KATNBL1: variants seen among roughly 807,000 people sequenced by gnomAD.
KATNBL1 encodes the protein KATNB1-like protein 1.
Under a neutral mutation model 44.7 loss-of-function variants are expected in KATNBL1, and 28 were observed. The observed-to-expected ratio is 0.63, with a 90% CI of 0.46 to 0.86. The LOEUF (loss-of-function observed/expected upper bound fraction) is 0.86. Among genes scored for constraint, KATNBL1 ranks in the 40% least tolerant of loss-of-function variants. The pLI is 0.00. For synonymous variants in KATNBL1, 78 were observed against 114.9 expected, an observed-to-expected ratio of 0.68 and a Z score of 2.06; for missense variants, 272 against 350.7, an observed-to-expected ratio of 0.78 and a Z score of 1.79.
At chr15:34,147,581 A>T (rs1046020688) in intron 5 of KATNBL1, 151 bp from the exon 6 acceptor site, 2 of 648,624 alleles carry the variant, frequency 3.1e-6, no homozygotes, top group Non-Finnish European at 5.3e-6. Context: ...AGCAATGAAC[A>T]AAGACACAGG....
chr15:34,188,670 T>C (rs377604482), intron 1 of KATNBL1, among the ~76,000 whole-genome samples: 1 of 152,258 alleles, frequency 6.6e-6, no homozygotes, highest in African/African-American at 2.4e-5. Context: ...GTTCTGTCCA[T>C]GCAATCAGCT....
intron 1 of KATNBL1, among the ~76,000 whole-genome samples, chr15:34,206,901 C>T (rs974107104): frequency 6.6e-6 from 1 of 152,020 alleles, no homozygotes; most frequent in Non-Finnish European, 1.5e-5. Flanking sequence ...AATTAAAAAA[C>T]ATTATATTCC....
At chr15:34,204,274 G>A (rs564242608) in intron 1 of KATNBL1, among the ~76,000 whole-genome samples, 6 of 152,302 alleles carry the variant, frequency 3.9e-5, no homozygotes, top group Admixed American at 1.3e-4. Flanking sequence ...CATCCAGACT[G>A]ATGAACTGTT....
intron 1 of KATNBL1, among the ~76,000 whole-genome samples, chr15:34,207,727 A>C (rs1861182482): frequency 6.6e-6 from 1 of 152,192 alleles, no homozygotes; most frequent in Non-Finnish European, 1.5e-5. Flanking sequence ...CAGCCTCCCA[A>C]GTAGCTGGGA....
chr15:34,177,801 A>G (rs1889381820), intron 1 of KATNBL1: 1 of 152,134 alleles, frequency 6.6e-6, no homozygotes, highest in African/African-American at 2.4e-5. Context: ...TTAATATACT[A>G]CAATATATTT....
chr15:34,171,324 CAT>C (rs1276802013), intron 1 of KATNBL1, among the ~76,000 whole-genome samples: 2 of 152,110 alleles, frequency 1.3e-5, no homozygotes, highest in African/African-American at 2.4e-5. Flanking sequence ...AGCCAACAGA[CAT>C]ATGAAAAAAT....
rs181362312 is a variant in KATNBL1, at chr15:34,166,361, C to T, written c.-14-2671G>A. Among the ~76,000 whole-genome samples, 105 of 152,342 alleles carry T rather than the reference C, an allele frequency of 6.9e-4. 1 individual carries two copies. In the South Asian group the frequency reaches 7.0e-3, roughly 10 times the overall value. On this transcript the variant is annotated intron_variant, in intron 1 of 9. Coordinates refer to ENST00000256544, the MANE Select transcript of KATNBL1 (RefSeq NM_024713.3). ...AGCGCAGCAGTCTGAGATAGACCTG[C>T]GAAGCAGCAGCCTGGCAGGGGGAGG...
chr15:34,145,224 T>C, intron 9 of KATNBL1, 174 bp downstream of exon 9: 2 of 1,392,822 alleles, frequency 1.4e-6, no homozygotes, highest in Non-Finnish European at 1.9e-6. Context: ...CTGTGCTTGC[T>C]GCCAAGGTCA....
intron 7 of KATNBL1, 36 bp from the exon 8 acceptor site, chr15:34,146,886 T>G: frequency 7.8e-7 from 1 of 1,283,386 alleles, no homozygotes. Context: ...TCAAGTGTTT[T>G]CATCTAAGAA....
chr15:34,163,344 C>G (rs116042893), intron 2 of KATNBL1, among the ~76,000 whole-genome samples: 2,057 of 151,812 alleles, frequency 0.014, 50 homozygotes, highest in African/African-American at 0.048. Flanking sequence ...ATGCCCAGCC[C>G]GATTAAAAAC....
At position 34,208,665 on chromosome 15, in the gene KATNBL1, T is replaced by C. The variant is rs146924513; in HGVS notation, c.-15+1286A>G. On this transcript the variant is annotated intron_variant, in intron 1 of 9. Coordinates refer to ENST00000256544, the MANE Select transcript of KATNBL1 (RefSeq NM_024713.3). ...ACACATAAAGCTTATGAACTCCATT[T>C]ATCTTAAAATAGTCAATGGATTTTT... The C allele has an allele frequency of 9.8e-5, 15 of 152,370 alleles. No individual in the cohort carries two copies. In the East Asian group the frequency reaches 2.9e-3, roughly 29 times the overall value. The allele number at this position is 152,370 out of a possible 1,614,324, so 9.4% of individuals were successfully genotyped here. A position where few individuals can be genotyped will look rare whatever the true frequency, so the allele number is the denominator to read the frequency against.
At chr15:34,143,091 T>G in intron 9 of KATNBL1, 1 of 1,108,346 alleles carries the variant, frequency 9.0e-7, no homozygotes, top group Non-Finnish European at 1.2e-6. Flanking sequence ...CATAAGGAAC[T>G]TCGCATTGAA....
In KATNBL1 at chr15:34,209,944, CACTT is replaced by C. The variant is rs1406226147; in HGVS notation, c.-15+3_-15+6del. On this transcript the variant is annotated splice_donor_5th_base_variant and intron_variant, in intron 1 of 9. Transcript: ENST00000256544. The stretch of plus-strand genomic sequence containing the variant: ...GCGGGGCTCGCACCGGCTCGGCAGT[CACTT>C]ACCGGCGCCTCATGGTACCGCGGCG... 1 of 151,772 alleles carries C rather than the reference CACTT, an allele frequency of 6.6e-6. No individual in the cohort carries two copies. Among genetic ancestry groups the C allele is most frequent in the Non-Finnish European group, 1.5e-5 (1 of 67,852 alleles). The allele number at this position is 151,772 out of a possible 1,614,324, so 9.4% of individuals were successfully genotyped here.
rs528817939 is a variant in KATNBL1 at position 34,154,067 on chromosome 15, T to C, written c.158+577A>G. 2.3e-3 allele frequency among the ~76,000 whole-genome samples: 349 copies of C among 152,322 alleles called. 2 individuals carry two copies. Among genetic ancestry groups the C allele is most frequent in the South Asian group, 3.7e-3 (18 of 4,826 alleles). On this transcript the variant is annotated intron_variant, in intron 3 of 9. Coordinates refer to ENST00000256544, the MANE Select transcript of KATNBL1 (RefSeq NM_024713.3). ...TACATTTTTATATATCTCTAATATC[T>C]GGTTTAACAAAAGACAGCTGGGTTC...
chr15:34,143,690 C>T (rs775226190), intron 9 of KATNBL1, among the ~76,000 whole-genome samples: 9 of 150,952 alleles, frequency 6.0e-5, no homozygotes, highest in Non-Finnish European at 1.0e-4. Context: ...TGGCTCACGC[C>T]TGTAATCCCA....
At chr15:34,146,912 A>G in intron 7 of KATNBL1, 62 bp from the exon 8 acceptor site, 3 of 1,059,358 alleles carry the variant, frequency 2.8e-6, no homozygotes, top group Non-Finnish European at 4.4e-6. Context: ...CTTATAAAAG[A>G]TGATACTTTC....
chr15:34,208,225 T>TA (rs1890344093), intron 1 of KATNBL1, among the ~76,000 whole-genome samples: 1 of 152,224 alleles, frequency 6.6e-6, no homozygotes, highest in Admixed American at 6.5e-5. Context: ...ATCCAATGTG[T>TA]AGTCTTCTAT....
rs1469985059 is a variant in KATNBL1 at position 34,141,046 on chromosome 15, A to G, written c.*1293T>C. 1 of 152,130 alleles carries G rather than the reference A, an allele frequency of 6.6e-6. No homozygotes were observed. Among genetic ancestry groups the G allele is most frequent in the Non-Finnish European group, 1.5e-5 (1 of 67,992 alleles). 9.4% of individuals were successfully genotyped at this position (152,130 alleles called of 1,614,324 possible). On this transcript the variant is annotated 3_prime_UTR_variant, in exon 10 of 10. Coordinates refer to ENST00000256544, the MANE Select transcript of KATNBL1 (RefSeq NM_024713.3). ...CTGCAGAGAAATTCAATTACTAAAA[A>G]CCTTTGCTCAGATGCCTGTCAGGCA...
chr15:34,204,313 C>G (rs1322880366), intron 1 of KATNBL1, among the ~76,000 whole-genome samples: 1 of 152,186 alleles, frequency 6.6e-6, no homozygotes, highest in African/African-American at 2.4e-5. Context: ...CAGAATGATT[C>G]AGTCAGTCCC....
Sources: gnomAD v4.1 joint callset for allele counts (sites outside exome capture counted in the v4.1 genomes callset) on GRCh38, gnomAD v4.1.1 for gene constraint, MANE v1.5 for transcripts, NCBI Gene and HGNC (gene_info 2026-07-23, HGNC 2026-07-21) for gene names.